The following TBC1D19 variants were observed in gnomAD, a reference collection of about 807,000 sequenced individuals.
TBC1D19 encodes the protein TBC1 domain family, member 19.
Under a neutral mutation model 89.0 loss-of-function variants are expected in TBC1D19, and 60 were observed. The ratio of observed to expected loss-of-function variants is 0.67; its 90% CI spans 0.55 to 0.84. The LOEUF (loss-of-function observed/expected upper bound fraction) is 0.84. Among genes scored for constraint, TBC1D19 ranks in the 40% least tolerant of loss-of-function variants. TBC1D19 has a pLI of 0.00. For missense variants in TBC1D19, 500 were observed against 610.8 expected, an observed-to-expected ratio of 0.82 and a Z score of 1.91; for synonymous variants, 189 against 199.7, an observed-to-expected ratio of 0.95 and a Z score of 0.45.
chr4:26,752,524 G>A (rs1247969957), intron 19 of TBC1D19, among the ~76,000 whole-genome samples: 1 of 152,118 alleles, frequency 6.6e-6, no homozygotes, highest in African/African-American at 2.4e-5. Flanking sequence ...GAGATTGCAG[G>A]CATGAGTCAC....
At chr4:26,656,981 T>TCTC (rs1479076361) in intron 7 of TBC1D19, among the ~76,000 whole-genome samples, 281 of 7,136 alleles carry the variant, frequency 0.039, no homozygotes, top group Middle Eastern at 0.17. Context: ...TTCTTCTTCT[T>TCTC]CTTCTTCTTC....
chr4:26,752,737 G>A (rs973663893), intron 19 of TBC1D19, among the ~76,000 whole-genome samples: 9 of 152,106 alleles, frequency 5.9e-5, no homozygotes, highest in African/African-American at 1.9e-4. Flanking sequence ...CCCTCACATG[G>A]AGTTTTATGG....
At chr4:26,735,076 A>G (rs951758150) in intron 15 of TBC1D19, among the ~76,000 whole-genome samples, 6 of 150,968 alleles carry the variant, frequency 4.0e-5, no homozygotes, top group African/African-American at 1.5e-4. Context: ...ATGTATACAC[A>G]TGTATATATG....
At chr4:26,851,360 TC>T in the TBC1D19 span, among the ~76,000 whole-genome samples, 1 of 150,362 alleles carries the variant, frequency 6.7e-6, no homozygotes, top group East Asian at 2.0e-4. Flanking sequence ...TATCTATCTA[TC>T]ATCTATCCAT....
At chr4:26,679,878 G>T (rs1030445929) in intron 11 of TBC1D19, among the ~76,000 whole-genome samples, 1 of 152,226 alleles carries the variant, frequency 6.6e-6, no homozygotes, top group Non-Finnish European at 1.5e-5. Context: ...AGATTTGGGA[G>T]GGGCCAGGGT....
At chr4:26,730,512 A>G (rs184112002) in intron 15 of TBC1D19, among the ~76,000 whole-genome samples, 1 of 152,338 alleles carries the variant, frequency 6.6e-6, no homozygotes, top group East Asian at 1.9e-4. Flanking sequence ...CAGAAGTACG[A>G]ATAGAGGCCC....
At chr4:26,803,588 A>T in the TBC1D19 span, among the ~76,000 whole-genome samples, 1 of 152,188 alleles carries the variant, frequency 6.6e-6, no homozygotes. Flanking sequence ...CATTTCAGAG[A>T]GAAACAGAAC....
chr4:26,665,793 C>CA (rs1425938620), intron 8 of TBC1D19, among the ~76,000 whole-genome samples: 1 of 151,840 alleles, frequency 6.6e-6, no homozygotes, highest in East Asian at 1.9e-4. Context: ...GTGTGTGTTT[C>CA]AGGAAAGGTT....
intron 18 of TBC1D19, among the ~76,000 whole-genome samples, chr4:26,746,362 C>A (rs1441367942): frequency 6.6e-6 from 1 of 151,956 alleles, no homozygotes; most frequent in Non-Finnish European, 1.5e-5. Context: ...CATCACCACA[C>A]ACAGCCCTTC....
At chr4:26,813,439 G>A in the TBC1D19 span, among the ~76,000 whole-genome samples, 2 of 152,112 alleles carry the variant, frequency 1.3e-5, no homozygotes, top group African/African-American at 4.8e-5. Flanking sequence ...CTAAATTAAT[G>A]AGAAGTTATT....
At chr4:26,583,575 T>G (rs1350173509), upstream of TBC1D19, among the ~76,000 whole-genome samples, 1 of 150,502 alleles carries the variant, frequency 6.6e-6, no homozygotes, top group East Asian at 1.9e-4. Flanking sequence ...ATTCCTGGTA[T>G]AAGACTCTAG....
the TBC1D19 span, among the ~76,000 whole-genome samples, chr4:26,769,708 G>A: frequency 1.3e-5 from 2 of 151,744 alleles, no homozygotes; most frequent in Non-Finnish European, 2.9e-5. Flanking sequence ...ACTATACCTG[G>A]CTAATTTTTG....
the TBC1D19 span, among the ~76,000 whole-genome samples, chr4:26,817,690 G>T: frequency 6.6e-6 from 1 of 152,044 alleles, no homozygotes; most frequent in Non-Finnish European, 1.5e-5. Flanking sequence ...ATTCTAGGCT[G>T]GGCATGGTGG....
chr4:26,698,475 C>G (rs1457391283), intron 13 of TBC1D19, among the ~76,000 whole-genome samples: 1 of 152,176 alleles, frequency 6.6e-6, no homozygotes, highest in East Asian at 1.9e-4. Context: ...CCCCATCAAG[C>G]TACCACTGAC....
chr4:26,825,107 T>A, the TBC1D19 span, among the ~76,000 whole-genome samples: 1 of 152,106 alleles, frequency 6.6e-6, no homozygotes, highest in Non-Finnish European at 1.5e-5. Context: ...TTTAGGATTT[T>A]TTTTTTTTTT....
At chr4:26,669,359 A>G (rs1043405165) in intron 9 of TBC1D19, among the ~76,000 whole-genome samples, 3 of 151,780 alleles carry the variant, frequency 2.0e-5, no homozygotes, top group African/African-American at 7.2e-5. Context: ...TCTTATAAAG[A>G]CTATGAGAAG....
intron 13 of TBC1D19, among the ~76,000 whole-genome samples, chr4:26,710,093 C>A (rs1170772636): frequency 6.6e-6 from 1 of 151,878 alleles, no homozygotes; most frequent in Non-Finnish European, 1.5e-5. Flanking sequence ...AGGTTTGTTA[C>A]ATATGTATAC....
the TBC1D19 span, among the ~76,000 whole-genome samples, chr4:26,843,550 C>T: frequency 7.9e-5 from 12 of 151,250 alleles, no homozygotes; most frequent in African/African-American, 2.7e-4. Flanking sequence ...ATATGACATC[C>T]GAGATAAAGT....
At chr4:26,677,176 A>G (rs562609239) in intron 11 of TBC1D19, among the ~76,000 whole-genome samples, 52 of 152,202 alleles carry the variant, frequency 3.4e-4, no homozygotes, top group Non-Finnish European at 6.6e-4. Flanking sequence ...CGATAATTAT[A>G]CTACTCAATA....
Sources: gnomAD v4.1 joint callset for allele counts (sites outside exome capture counted in the v4.1 genomes callset) on GRCh38, gnomAD v4.1.1 for gene constraint, MANE v1.5 for transcripts, NCBI Gene and HGNC (gene_info 2026-07-23, HGNC 2026-07-21) for gene names.